Variants in DRC1 observed in about 807,000 individuals in gnomAD.
The protein encoded by DRC1 is dynein regulatory complex subunit 1.
In DRC1, 74 loss-of-function variants were observed where a neutral mutation model predicts 98.7. The observed-to-expected ratio is 0.75, with a 90% CI of 0.62 to 0.91. The LOEUF (loss-of-function observed/expected upper bound fraction) is 0.91. Among genes scored for constraint, DRC1 ranks in the 40% least tolerant of loss-of-function variants. The probability of loss-of-function intolerance (pLI) is 0.00; values close to 1 mark genes in which losing one functional copy is unlikely to be tolerated. For synonymous variants in DRC1, 336 were observed against 334.1 expected (o/e 1.01, Z -0.06); for missense variants, 875 against 886.0 (o/e 0.99, Z 0.16).
intron 2 of DRC1, among the ~76,000 whole-genome samples, chr2:26,414,927 G>C (rs571319655): frequency 2.0e-5 from 3 of 152,084 alleles, no homozygotes; most frequent in Admixed American, 2.0e-4. Flanking sequence ...ACCATCTCAA[G>C]ACCCAAATCC....
chr2:26,408,737 C>T (rs887241763), intron 1 of DRC1, among the ~76,000 whole-genome samples: 3 of 152,044 alleles, frequency 2.0e-5, no homozygotes, highest in African/African-American at 7.2e-5. Context: ...TGCCACTACA[C>T]TCCAGCCTGG....
chr2:26,415,477 G>A (rs1438373192), intron 2 of DRC1, among the ~76,000 whole-genome samples: 1 of 152,146 alleles, frequency 6.6e-6, no homozygotes, highest in African/African-American at 2.4e-5. Flanking sequence ...AGAGCATAGA[G>A]GTATAGAGAG....
intron 4 of DRC1, among the ~76,000 whole-genome samples, chr2:26,427,984 A>G (rs1667983155): frequency 6.6e-6 from 1 of 152,184 alleles, no homozygotes; most frequent in Non-Finnish European, 1.5e-5. Context: ...CTGCTGATGG[A>G]CACTTAGGTT....
At chr2:26,402,499 C>G (rs865777048) in intron 1 of DRC1, among the ~76,000 whole-genome samples, 27 of 152,294 alleles carry the variant, frequency 1.8e-4, no homozygotes, top group South Asian at 1.7e-3. Flanking sequence ...TCATGTGGCC[C>G]AAGTAGCCTG....
intron 13 of DRC1, among the ~76,000 whole-genome samples, chr2:26,452,289 T>C (rs573905875): frequency 2.6e-4 from 40 of 152,312 alleles, no homozygotes; most frequent in Admixed American, 4.6e-4. Flanking sequence ...AGAGTCTCAC[T>C]CTGTTGCCCA....
Position 26,454,624 on chromosome 2 carries a change from A to G in DRC1, c.1920-23A>G. ...TGGGTAGTACCCAATGGACATGACAATCACTGTGCTCTTGGCCTTCAGGGA... is the reference window on the plus strand; with the variant it reads ...TGGGTAGTACCCAATGGACATGACAGTCACTGTGCTCTTGGCCTTCAGGGA... On this transcript the variant is annotated intron_variant, in intron 14 of 16. Transcript: ENST00000288710. This position sits in a 1 kb window ranked among gnomAD's most constrained non-coding sequence, Gnocchi z 5.2. The G allele has an allele frequency of 6.2e-7, 1 of 1,613,274 alleles. No individual in the cohort carries two copies. Among genetic ancestry groups the G allele is most frequent in the Non-Finnish European group, 8.5e-7 (1 of 1,179,554 alleles).
chr2:26,452,548 A>C (rs1205746948), intron 13 of DRC1, among the ~76,000 whole-genome samples: 2 of 152,218 alleles, frequency 1.3e-5, no homozygotes. Context: ...TTTATTCTCT[A>C]AATATATCTC....
intron 10 of DRC1, among the ~76,000 whole-genome samples, chr2:26,445,768 C>T (rs892650129): frequency 2.6e-5 from 4 of 152,062 alleles, no homozygotes; most frequent in Non-Finnish European, 4.4e-5. Flanking sequence ...AAGCAATTCC[C>T]CTGCCTCAGC....
At chr2:26,418,657 ATATATTATATAAATTAAATATAATT>A (rs1364664813) in intron 2 of DRC1, among the ~76,000 whole-genome samples, 5 of 93,332 alleles carry the variant, frequency 5.4e-5, no homozygotes, top group Non-Finnish European at 9.9e-5. Context: ...TATATAAATT[ATATATTATATAAATTAAATATAATT>A]TATATTATAT....
chr2:26,410,059 G>GA (rs1470065998), intron 1 of DRC1, among the ~76,000 whole-genome samples: 1 of 151,596 alleles, frequency 6.6e-6, no homozygotes, highest in Non-Finnish European at 1.5e-5. Flanking sequence ...AGAAAAAAGA[G>GA]ATGATATGGC....
At chr2:26,450,918 C>T (rs1402269760) in intron 13 of DRC1, among the ~76,000 whole-genome samples, 1 of 151,858 alleles carries the variant, frequency 6.6e-6, no homozygotes, top group Non-Finnish European at 1.5e-5. Context: ...GTTATGTTTC[C>T]CTCCCTGTGT....
intron 4 of DRC1, among the ~76,000 whole-genome samples, chr2:26,428,843 A>G (rs1487605169): frequency 6.6e-6 from 1 of 152,148 alleles, no homozygotes; most frequent in African/African-American, 2.4e-5. Context: ...CCACTGTCGT[A>G]TATGTGGTCC....
intron 1 of DRC1, 99 bp from the exon 2 acceptor site, chr2:26,414,245 G>T: frequency 1.6e-6 from 2 of 1,214,172 alleles, no homozygotes; most frequent in South Asian, 1.5e-5. Flanking sequence ...CCAAACTGTT[G>T]GGATTACAGG....
chr2:26,406,014 A>G (rs1678414054), intron 1 of DRC1, among the ~76,000 whole-genome samples: 1 of 152,154 alleles, frequency 6.6e-6, no homozygotes, highest in African/African-American at 2.4e-5. Context: ...AGCTGGGACC[A>G]TTCTGTACCA....
rs1235047125 is a variant in DRC1 at position 26,418,665 on chromosome 2, TATAAATTAAATATA to T, written c.244-2620_244-2607del. ...TATATAATATATAAATTATATATTA[TATAAATTAAATATA>T]ATTTATATTATATATAAATTATATT... On this transcript the variant is annotated intron_variant, in intron 2 of 16. Transcript: ENST00000288710. 1.1e-3 allele frequency among the ~76,000 whole-genome samples: 98 copies of T among 89,392 alleles called. 1 individual carries two copies. Among genetic ancestry groups the T allele is most frequent in the African/African-American group, 4.5e-3 (94 of 20,756 alleles). 58.6% of individuals were successfully genotyped at this position (89,392 alleles called of 152,430 possible).
intron 1 of DRC1, among the ~76,000 whole-genome samples, chr2:26,408,854 G>T (rs1390153673): frequency 6.6e-6 from 1 of 152,060 alleles, no homozygotes; most frequent in Non-Finnish European, 1.5e-5. Flanking sequence ...ATCAGCCCAC[G>T]CTGACATGCA....
intron 5 of DRC1, 168 bp from the exon 6 acceptor site, chr2:26,430,618 C>T: frequency 1.3e-6 from 1 of 756,914 alleles, no homozygotes; most frequent in Non-Finnish European, 2.4e-6. Context: ...CCATGCAGCT[C>T]CTTCCATAGC....
intron 6 of DRC1, among the ~76,000 whole-genome samples, chr2:26,431,083 C>G (rs1243968487): frequency 1.3e-5 from 2 of 150,926 alleles, no homozygotes; most frequent in African/African-American, 4.9e-5. Context: ...GCCTCAGCCT[C>G]CCGAATAGCT....
intron 4 of DRC1, among the ~76,000 whole-genome samples, chr2:26,429,115 C>T (rs536895828): frequency 6.6e-6 from 1 of 152,160 alleles, no homozygotes; most frequent in African/African-American, 2.4e-5. Context: ...GAGTCCATTC[C>T]ACTCCATCTA....
Sources: gnomAD v4.1 joint callset for allele counts (sites outside exome capture counted in the v4.1 genomes callset) on GRCh38, gnomAD v4.1.1 for gene constraint, Gnocchi (gnomAD v3.1) non-coding constraint, MANE v1.5 for transcripts, NCBI Gene and HGNC (gene_info 2026-07-23, HGNC 2026-07-21) for gene names.